Variants in CD247 observed in about 807,000 individuals in gnomAD.
CD247 encodes the protein CD247 molecule, also known as T-cell surface glycoprotein CD3 zeta chain.
A neutral mutation model predicts 30.0 loss-of-function variants in CD247; 13 were observed. That is an observed-to-expected ratio of 0.43 (90% confidence interval 0.28 to 0.69). The LOEUF (loss-of-function observed/expected upper bound fraction) is 0.69. CD247 is among the 30% of genes least tolerant of loss of function. The pLI is 0.16. For synonymous variants in CD247, 72 were observed against 80.0 expected (o/e 0.90, Z 0.53); for missense variants, 193 against 212.6 (o/e 0.91, Z 0.57).
intron 1 of CD247, among the ~76,000 whole-genome samples, chr1:167,469,744 A>G (rs1237287691): frequency 1.3e-5 from 2 of 152,076 alleles, no homozygotes; most frequent in Non-Finnish European, 2.9e-5. Context: ...GAGCTGTTTG[A>G]AAGCCTGTGA....
At chr1:167,452,240 A>C (rs1168132479) in intron 1 of CD247, among the ~76,000 whole-genome samples, 1 of 151,938 alleles carries the variant, frequency 6.6e-6, no homozygotes, top group African/African-American at 2.4e-5. Flanking sequence ...AAAACAAAAC[A>C]AAACAAAAAC....
chr1:167,469,337 T>C (rs1307610190), intron 1 of CD247, among the ~76,000 whole-genome samples: 4 of 152,194 alleles, frequency 2.6e-5, no homozygotes, highest in African/African-American at 7.2e-5. Context: ...ATCCAAACCA[T>C]GGGCCCACAG....
intron 1 of CD247, among the ~76,000 whole-genome samples, chr1:167,455,110 G>A (rs114774473): frequency 0.018 from 2,753 of 152,312 alleles, 86 homozygotes; most frequent in African/African-American, 0.063. Flanking sequence ...GGGACGCCCC[G>A]CCGAGCCGCT....
At chr1:167,478,315 G>T (rs1228577256) in intron 1 of CD247, among the ~76,000 whole-genome samples, 1 of 152,266 alleles carries the variant, frequency 6.6e-6, no homozygotes, top group Non-Finnish European at 1.5e-5. Context: ...ATGGGACATG[G>T]AAGAACCAGA....
intron 1 of CD247, among the ~76,000 whole-genome samples, chr1:167,460,610 T>C (rs1478334352): frequency 6.6e-6 from 1 of 152,108 alleles, no homozygotes; most frequent in African/African-American, 2.4e-5. Context: ...TTTTAAAAAT[T>C]ATACTTTAAG....
chr1:167,504,536 T>A (rs1655039551), intron 1 of CD247, among the ~76,000 whole-genome samples: 1 of 152,272 alleles, frequency 6.6e-6, no homozygotes, highest in Non-Finnish European at 1.5e-5. Flanking sequence ...TCATTGGTTT[T>A]AGTCTTCTCT....
chr1:167,474,077 G>A (rs1173370725), intron 1 of CD247, among the ~76,000 whole-genome samples: 1 of 152,124 alleles, frequency 6.6e-6, no homozygotes, highest in Non-Finnish European at 1.5e-5. Flanking sequence ...GTGAACCAGA[G>A]ATACCCCACT....
intron 1 of CD247, chr1:167,457,840 C>T (rs1652778158): frequency 6.6e-6 from 1 of 152,150 alleles, no homozygotes; most frequent in South Asian, 2.1e-4. Context: ...ATTTCTAGTT[C>T]CTTTGTTTCT....
chr1:167,452,962 T>G (rs1652427124), intron 1 of CD247, among the ~76,000 whole-genome samples: 1 of 150,980 alleles, frequency 6.6e-6, no homozygotes, highest in South Asian at 2.1e-4. Flanking sequence ...TATGTATGCA[T>G]GTACATATAT....
At chr1:167,495,327 T>C (rs1054844733) in intron 1 of CD247, among the ~76,000 whole-genome samples, 7 of 152,176 alleles carry the variant, frequency 4.6e-5, no homozygotes, top group African/African-American at 1.7e-4. Flanking sequence ...AATGGACGGG[T>C]GTGCTCACCC....
rs933100844 is a variant in CD247, at chr1:167,456,523, G to A, written c.59-15756C>T. Among the ~76,000 whole-genome samples, 14 of 152,288 alleles carry A rather than the reference G, an allele frequency of 9.2e-5. 1 individual carries two copies. The South Asian group carries it at 2.9e-3, about 32-fold the overall frequency. ...GAGAGGGGTTTCTTTCCTCCTCTTG[G>A]CTCACAGCAGAGGCCAAGTCCTTAG... is the stretch of plus-strand genomic sequence containing the variant. On this transcript the variant is annotated intron_variant, in intron 1 of 7. Coordinates refer to ENST00000362089, the MANE Select transcript of CD247 (RefSeq NM_198053.3).
chr1:167,491,402 C>G (rs1331820702), intron 1 of CD247, among the ~76,000 whole-genome samples: 3 of 152,110 alleles, frequency 2.0e-5, no homozygotes, highest in African/African-American at 7.2e-5. Context: ...AACCCTGTCT[C>G]TACTAAAAAT....
chr1:167,437,309 G>A (rs1651593266), intron 4 of CD247, among the ~76,000 whole-genome samples: 1 of 152,204 alleles, frequency 6.6e-6, no homozygotes, highest in Non-Finnish European at 1.5e-5. Context: ...GGAGGCTGAG[G>A]CAGGAGAATT....
intron 1 of CD247, among the ~76,000 whole-genome samples, chr1:167,504,750 G>A (rs1655046561): frequency 6.6e-6 from 1 of 152,180 alleles, no homozygotes; most frequent in African/African-American, 2.4e-5. Context: ...CTAGGGCAGT[G>A]GGGCAGTGGG....
intron 1 of CD247, among the ~76,000 whole-genome samples, chr1:167,499,029 A>G (rs148512313): frequency 6.6e-6 from 1 of 152,270 alleles, no homozygotes; most frequent in African/African-American, 2.4e-5. Flanking sequence ...TGGTCAACCT[A>G]ATGAGCAAAA....
intron 1 of CD247, among the ~76,000 whole-genome samples, chr1:167,469,885 A>G (rs1403006931): frequency 1.3e-5 from 2 of 150,168 alleles, no homozygotes; most frequent in Admixed American, 1.3e-4. Context: ...TTGTGATTTC[A>G]TCTATTCATT....
chr1:167,484,408 G>C (rs1244365789), intron 1 of CD247, among the ~76,000 whole-genome samples: 1 of 152,164 alleles, frequency 6.6e-6, no homozygotes, highest in Non-Finnish European at 1.5e-5. Flanking sequence ...TTCCCCTTTG[G>C]GAGCCCAGAG....
chr1:167,455,551 A>G (rs1558004602), intron 1 of CD247, among the ~76,000 whole-genome samples: 1 of 152,050 alleles, frequency 6.6e-6, no homozygotes, highest in Non-Finnish European at 1.5e-5. Flanking sequence ...CGGGAGCAGC[A>G]GCCCCGCCCC....
intron 1 of CD247, 39 bp downstream of exon 1, chr1:167,518,369 G>A (rs749250183): frequency 1.9e-6 from 3 of 1,605,338 alleles, no homozygotes; most frequent in African/African-American, 1.3e-5. Flanking sequence ...TACACAAAGA[G>A]TTTCTAGAAG....
Sources: gnomAD v4.1 joint callset for allele counts (sites outside exome capture counted in the v4.1 genomes callset) on GRCh38, gnomAD v4.1.1 for gene constraint, MANE v1.5 for transcripts, NCBI Gene and HGNC (gene_info 2026-07-23, HGNC 2026-07-21) for gene names.